SH3BP5: variants seen among roughly 807,000 people sequenced by gnomAD.
SH3BP5 encodes the protein SH3 domain binding protein 5.
SH3BP5 carries 22 observed loss-of-function variants against 43.3 expected under a neutral mutation model. The ratio of observed to expected loss-of-function variants is 0.51; its 90% CI spans 0.36 to 0.73. The LOEUF is 0.73. SH3BP5 is among the 30% of genes least tolerant of loss of function. The pLI is 0.00. For synonymous variants in SH3BP5, 255 were observed against 225.8 expected (o/e 1.13, Z -1.16); for missense variants, 529 against 586.9 (o/e 0.90, Z 1.02).
At chr3:15,303,163 A>G (rs1049199299) in intron 3 of SH3BP5, among the ~76,000 whole-genome samples, 1 of 152,220 alleles carries the variant, frequency 6.6e-6, no homozygotes, top group East Asian at 1.9e-4. Flanking sequence ...AGCATCTTCC[A>G]TCATGTCATA....
At chr3:15,314,594 G>A (rs971477778) in intron 2 of SH3BP5, among the ~76,000 whole-genome samples, 4 of 152,204 alleles carry the variant, frequency 2.6e-5, no homozygotes, top group Admixed American at 2.0e-4. Flanking sequence ...CAGGGGTATG[G>A]ATGAAGACCA....
chr3:15,304,098 C>G lies in SH3BP5; in HGVS notation c.330+5G>C. The stretch of plus-strand genomic sequence containing the variant: ...GTAGGGGAGACATCTATGGGGCTAT[C>G]TTACCTGCCTCGCCACCCTCCGTGC... On this transcript the variant is annotated splice_donor_5th_base_variant and intron_variant, in intron 3 of 8. Transcript: ENST00000383791. The G allele has an allele frequency of 6.2e-7, 1 of 1,613,616 alleles. No individual in the cohort carries two copies. Among genetic ancestry groups the G allele is most frequent in the Non-Finnish European group, 8.5e-7 (1 of 1,179,738 alleles).
At chr3:15,286,051 G>A (rs902715905) in intron 3 of SH3BP5, among the ~76,000 whole-genome samples, 3 of 152,256 alleles carry the variant, frequency 2.0e-5, no homozygotes, top group African/African-American at 7.2e-5. Context: ...TGAAAAATCT[G>A]AGGGATCTAT....
upstream of SH3BP5, chr3:15,332,952 C>T (rs3821788): frequency 0.22 from 101,526 of 466,030 alleles, 11,688 homozygotes; most frequent in African/African-American, 0.34. Context: ...CTTGCCGAAA[C>T]CCTATACCCA....
At chr3:15,324,418 G>A (rs1381708686) in intron 2 of SH3BP5, among the ~76,000 whole-genome samples, 1 of 152,142 alleles carries the variant, frequency 6.6e-6, no homozygotes, top group Non-Finnish European at 1.5e-5. Flanking sequence ...GGTCCCCAGT[G>A]CCCCACACAG....
intron 2 of SH3BP5, among the ~76,000 whole-genome samples, chr3:15,306,872 C>T (rs1272050563): frequency 1.3e-5 from 2 of 152,034 alleles, no homozygotes; most frequent in Non-Finnish European, 2.9e-5. Context: ...TGGGGTTTCG[C>T]ATGTTGTCCA....
At position 15,287,109 on chromosome 3, in the gene SH3BP5, G is replaced by A. The variant is rs752279896; in HGVS notation, c.330+16994C>T. 2.4e-4 allele frequency among the ~76,000 whole-genome samples: 37 copies of A among 152,308 alleles called. No individual in the cohort carries two copies. In the Middle Eastern group the frequency reaches 0.017, roughly 70 times the overall value. On this transcript the variant is annotated intron_variant, in intron 3 of 8. Transcript: ENST00000383791. ...TGCAAAACACAGATAATAACAGAAC[G>A]TAGCTCATAGAGTTGCTGCAAGGAA...
chr3:15,336,139 AAAAG>A (rs1344168288), upstream of SH3BP5, among the ~76,000 whole-genome samples: 7 of 152,182 alleles, frequency 4.6e-5, no homozygotes, highest in Admixed American at 3.3e-4. Flanking sequence ...CGTCTCAAAA[AAAAG>A]AAAGAAAGAA....
intron 4 of SH3BP5, among the ~76,000 whole-genome samples, chr3:15,263,463 G>T (rs1696526373): frequency 6.6e-6 from 1 of 152,214 alleles, no homozygotes; most frequent in South Asian, 2.1e-4. Context: ...AAGAACTCAG[G>T]ATCCAGAAAG....
At chr3:15,269,578 C>T (rs575345620) in intron 4 of SH3BP5, 135 bp downstream of exon 4, 21 of 926,046 alleles carry the variant, frequency 2.3e-5, no homozygotes, top group African/African-American at 8.4e-5. Flanking sequence ...AGAGATCATA[C>T]GGAGATGACA....
chr3:15,332,400 C>T lies in SH3BP5; in HGVS notation c.9G>A (p.Ala3=), dbSNP rs368626671. The T allele has an allele frequency of 8.5e-6, 13 of 1,535,068 alleles. No homozygotes were observed. In the African/African-American group the frequency reaches 1.5e-4, roughly 18 times the overall value. ...CCTCCGAGCGGCTCCGCTTCAGTGC[C>T]GCGTCCATGCAGGCAGCCGGCACGC... The part of the protein sequence containing the change: MD[A]ALKRSRSEEP... Residue 3 remains alanine (A), a synonymous_variant, in exon 1 of 9, where the codon GCG becomes GCA. Coordinates refer to ENST00000383791, the MANE Select transcript of SH3BP5 (RefSeq NM_004844.5).
intron 3 of SH3BP5, among the ~76,000 whole-genome samples, chr3:15,300,575 C>T (rs1427739330): frequency 2.0e-5 from 3 of 152,114 alleles, no homozygotes; most frequent in African/African-American, 4.8e-5. Context: ...TCGCCCCCCT[C>T]ACCATCAGGA....
At position 15,316,611 on chromosome 3, in the gene SH3BP5, C is replaced by T. The variant is rs554966767; in HGVS notation, c.202-12380G>A. 2.4e-4 allele frequency among the ~76,000 whole-genome samples: 36 copies of T among 151,942 alleles called. No homozygotes were observed. In the South Asian group the frequency reaches 3.1e-3, roughly 13 times the overall value. ...ATTACAAAAAAATGTTTAAAATAGC[C>T]CAAGGTAGATTCTTTTGTAGTTCGT... On this transcript the variant is annotated intron_variant, in intron 2 of 8. Transcript: ENST00000383791.
In SH3BP5 at chr3:15,263,804, C is replaced by T. The variant is rs144231875; in HGVS notation, c.496-1515G>A. Reference sequence around the variant, plus strand: ...ACCGCAGTTCAGGCCACATAAGCAGCTTGCGATTTCTTTCCCTGTCTTCTG... The same window carrying T: ...ACCGCAGTTCAGGCCACATAAGCAGTTTGCGATTTCTTTCCCTGTCTTCTG... On this transcript the variant is annotated intron_variant, in intron 4 of 8. Coordinates refer to ENST00000383791, the MANE Select transcript of SH3BP5 (RefSeq NM_004844.5). Among the ~76,000 whole-genome samples, 510 of 152,338 alleles carry T rather than the reference C, an allele frequency of 3.3e-3. 4 individuals carry two copies. Among genetic ancestry groups the T allele is most frequent in the African/African-American group, 0.011 (478 of 41,572 alleles).
chr3:15,295,295 C>G (rs1205020231), intron 3 of SH3BP5, among the ~76,000 whole-genome samples: 1 of 152,200 alleles, frequency 6.6e-6, no homozygotes, highest in Non-Finnish European at 1.5e-5. Flanking sequence ...TTGCAGTGTT[C>G]TTGGGGCCAT....
In SH3BP5 at chr3:15,267,421, G is replaced by T. The variant is rs181612277; in HGVS notation, c.495+2292C>A. ...GCTGGTGTCTGTTTTTAACTCATCT[G>T]TTCAATGAGGGGCATTTCCAGCCTA... On this transcript the variant is annotated intron_variant, in intron 4 of 8. Coordinates refer to ENST00000383791, the MANE Select transcript of SH3BP5 (RefSeq NM_004844.5). 4.0e-4 allele frequency among the ~76,000 whole-genome samples: 61 copies of T among 152,316 alleles called. No homozygotes were observed. In the East Asian group the frequency reaches 0.012, roughly 29 times the overall value.
chr3:15,309,894 C>T (rs1203106139), intron 2 of SH3BP5, among the ~76,000 whole-genome samples: 1 of 142,480 alleles, frequency 7.0e-6, no homozygotes, highest in Non-Finnish European at 1.5e-5. Flanking sequence ...CAAAGCCAGT[C>T]TTCCCCGCTC....
chr3:15,310,680 G>A (rs1698032824), intron 2 of SH3BP5, among the ~76,000 whole-genome samples: 1 of 152,190 alleles, frequency 6.6e-6, no homozygotes, highest in Non-Finnish European at 1.5e-5. Flanking sequence ...TACCAAGGGA[G>A]TTTTTAGATC....
At chr3:15,323,954 G>T (rs192399944) in intron 2 of SH3BP5, among the ~76,000 whole-genome samples, 1 of 152,162 alleles carries the variant, frequency 6.6e-6, no homozygotes, top group Admixed American at 6.5e-5. Context: ...TAAGCAGTAT[G>T]GGGGGACCAC....
Sources: gnomAD v4.1 joint callset for allele counts (sites outside exome capture counted in the v4.1 genomes callset) on GRCh38, gnomAD v4.1.1 for gene constraint, MANE v1.5 for transcripts, NCBI Gene and HGNC (gene_info 2026-07-23, HGNC 2026-07-21) for gene names.